The following NUP35 variants were observed in gnomAD, a reference collection of about 807,000 sequenced individuals.
NUP35 encodes nucleoporin NUP35.
Under a neutral mutation model 41.5 loss-of-function variants are expected in NUP35, and 25 were observed. The observed-to-expected ratio is 0.60, with a 90% CI of 0.44 to 0.84. NUP35 has a LOEUF of 0.84. Ranked by LOEUF, NUP35 falls within the 40% of genes least tolerant of loss-of-function variation. NUP35 has a pLI of 0.00. For missense variants in NUP35, 396 were observed against 396.6 expected (o/e 1.00, Z 0.01); for synonymous variants, 149 against 130.7 (o/e 1.14, Z -0.96).
intron 6 of NUP35, 29 bp from the exon 7 acceptor site, chr2:183,158,254 A>G (rs1201598784): frequency 1.4e-6 from 2 of 1,434,406 alleles, no homozygotes; most frequent in Non-Finnish European, 1.9e-6. Flanking sequence ...TATATTTTCT[A>G]TTTTAAGAGA....
upstream of NUP35, among the ~76,000 whole-genome samples, chr2:183,122,318 C>T (rs1022010490): frequency 1.8e-4 from 28 of 152,060 alleles, no homozygotes; most frequent in Non-Finnish European, 2.6e-4. Context: ...CCTCGTGATC[C>T]GCCCGCCTTG....
intron 1 of NUP35, among the ~76,000 whole-genome samples, chr2:183,126,779 ATAGT>A (rs1305381664): frequency 1.3e-5 from 2 of 152,340 alleles, no homozygotes; most frequent in African/African-American, 4.8e-5. Flanking sequence ...AAGTTAAGTA[ATAGT>A]TAATAAAAAA....
intron 4 of NUP35, among the ~76,000 whole-genome samples, chr2:183,148,763 A>T (rs1342872100): frequency 1.3e-5 from 2 of 152,088 alleles, no homozygotes; most frequent in African/African-American, 4.8e-5. Flanking sequence ...GGCTCCAGTG[A>T]TCCTTCCATC....
chr2:183,138,971 G>GCT (rs79011131), intron 4 of NUP35, among the ~76,000 whole-genome samples: 11,791 of 152,020 alleles, frequency 0.078, 541 homozygotes, highest in South Asian at 0.17. Context: ...TCCTTTTAAA[G>GCT]CTCTCTGTTT....
chr2:183,134,243 CTG>C (rs1250359797), intron 4 of NUP35, among the ~76,000 whole-genome samples: 16 of 152,172 alleles, frequency 1.1e-4, no homozygotes, highest in African/African-American at 3.6e-4. Context: ...GAGCACCTAA[CTG>C]TGTACTCTGG....
rs752690854 is a variant in NUP35 at position 183,130,399 on chromosome 2, T to A, written c.212-19T>A. 1 of 1,388,246 alleles carries A rather than the reference T, an allele frequency of 7.2e-7. No individual in the cohort carries two copies. 86.0% of individuals were successfully genotyped at this position (1,388,246 alleles called of 1,614,324 possible). A position where few individuals can be genotyped will look rare whatever the true frequency, so the allele number is the denominator to read the frequency against. The stretch of plus-strand genomic sequence containing the variant: ...AAAAGAAGAATCCCTTTTTTTTTTT[T>A]TTTTTTTGTACACTGTAGGTGGGTC... On this transcript the variant is annotated intron_variant, in intron 2 of 8. Transcript: ENST00000295119.
chr2:183,132,577 TA>T (rs1684736914), intron 3 of NUP35, among the ~76,000 whole-genome samples: 1 of 151,928 alleles, frequency 6.6e-6, no homozygotes. Context: ...TAATAAAAAC[TA>T]AAAAATTAAA....
chr2:183,154,460 C>T (rs914816761), intron 5 of NUP35, among the ~76,000 whole-genome samples: 1 of 152,170 alleles, frequency 6.6e-6, no homozygotes, highest in Admixed American at 6.5e-5. Context: ...TTTCTTCCAC[C>T]AGATACCTTA....
rs764646689 is a variant in NUP35, at chr2:183,128,455, C to T, written c.209C>T (p.Ala70Val). Residue 70 changes from alanine (A) to valine (V), a missense_variant and splice_region_variant, in exon 2 of 9, where the codon GCA (alanine) becomes GTA (valine). By Grantham distance (64) the Ala-to-Val change is moderately conservative. Coordinates refer to ENST00000295119, the MANE Select transcript of NUP35 (RefSeq NM_138285.5). ...GVMEMRSPLL[A>V]GGSPPQPVVP... ...ATGGAAATGAGATCACCTTTACTTG[C>T]AGGTAGGTGAATTGCTTAAAATAAT... 5.8e-5 allele frequency: 94 copies of T among 1,608,560 alleles called. 1 individual carries two copies. The Middle Eastern group carries it at 6.6e-4, about 11-fold the overall frequency.
chr2:183,146,778 G>A (rs182966042), intron 4 of NUP35, among the ~76,000 whole-genome samples: 1 of 152,140 alleles, frequency 6.6e-6, no homozygotes, highest in East Asian at 1.9e-4. Context: ...TGTATTTTTA[G>A]TAGAGATGGG....
At chr2:183,132,214 G>C (rs1209417878) in intron 3 of NUP35, among the ~76,000 whole-genome samples, 1 of 151,954 alleles carries the variant, frequency 6.6e-6, no homozygotes, top group Non-Finnish European at 1.5e-5. Context: ...GTAGAGATGG[G>C]ATTTGTCCTG....
At chr2:183,122,278 A>G (rs1452480407), upstream of NUP35, among the ~76,000 whole-genome samples, 2 of 151,648 alleles carry the variant, frequency 1.3e-5, no homozygotes, top group East Asian at 1.9e-4. Context: ...GGGTTTCACC[A>G]TGTTGGCCAG....
At chr2:183,138,813 C>T (rs1684984151) in intron 4 of NUP35, among the ~76,000 whole-genome samples, 1 of 151,992 alleles carries the variant, frequency 6.6e-6, no homozygotes, top group Non-Finnish European at 1.5e-5. Flanking sequence ...ATATTGTTAA[C>T]AGGTTAAGCG....
At chr2:183,129,231 T>A (rs969073957) in intron 2 of NUP35, among the ~76,000 whole-genome samples, 2 of 152,242 alleles carry the variant, frequency 1.3e-5, no homozygotes, top group East Asian at 3.8e-4. Context: ...GGGGAGGTTT[T>A]ATACACAGAA....
chr2:183,124,119 G>C (rs1267217279), upstream of NUP35, among the ~76,000 whole-genome samples: 1 of 152,068 alleles, frequency 6.6e-6, no homozygotes, highest in Admixed American at 6.6e-5. Flanking sequence ...TAGAGCACTG[G>C]GTCAACTCAC....
chr2:183,159,416 C>G, intron 7 of NUP35, 72 bp from the exon 8 acceptor site: 1 of 1,101,166 alleles, frequency 9.1e-7, no homozygotes, highest in Non-Finnish European at 1.3e-6. Context: ...ATTAAATTTT[C>G]TAAGTAGGAT....
upstream of NUP35, among the ~76,000 whole-genome samples, chr2:183,121,778 G>A (rs1284184525): frequency 6.6e-6 from 1 of 152,020 alleles, no homozygotes; most frequent in East Asian, 1.9e-4. Context: ...GAGTGCCAGA[G>A]CTGAGATCGT....
At chr2:183,152,294 T>C (rs1158411627) in intron 5 of NUP35, among the ~76,000 whole-genome samples, 2 of 152,176 alleles carry the variant, frequency 1.3e-5, no homozygotes, top group African/African-American at 2.4e-5. Context: ...AAAAATGCTT[T>C]TTTATTTCCA....
At chr2:183,148,785 A>G (rs1685364556) in intron 4 of NUP35, among the ~76,000 whole-genome samples, 1 of 151,980 alleles carries the variant, frequency 6.6e-6, no homozygotes, top group African/African-American at 2.4e-5. Context: ...CAGCCTCTCA[A>G]ATAGCTGGGA....
Sources: gnomAD v4.1 joint callset for allele counts (sites outside exome capture counted in the v4.1 genomes callset) on GRCh38, gnomAD v4.1.1 for gene constraint, MANE v1.5 for transcripts, NCBI Gene and HGNC (gene_info 2026-07-23, HGNC 2026-07-21) for gene names.